ALOX15: variants seen among roughly 807,000 people sequenced by gnomAD.
ALOX15 encodes the protein arachidonate 15-lipoxygenase.
Under a neutral mutation model 71.7 loss-of-function variants are expected in ALOX15, and 68 were observed. That is an observed-to-expected ratio of 0.95 (90% confidence interval 0.78 to 1.16). The LOEUF is 1.16. Among genes scored for constraint, ALOX15 ranks in the 50% most tolerant of loss-of-function variants. ALOX15 has a pLI of 0.00. For missense variants in ALOX15, 798 were observed against 818.8 expected (o/e 0.97, Z 0.31); for synonymous variants, 346 against 333.3 (o/e 1.04, Z -0.42).
intron 7 of ALOX15, 96 bp downstream of exon 7, chr17:4,637,019 C>A (rs1911122009): frequency 6.8e-7 from 1 of 1,466,628 alleles, no homozygotes; most frequent in Admixed American, 2.0e-5. Context: ...GTGCCTTAGC[C>A]CAGTGCCTTT....
Position 4,639,042 on chromosome 17 carries a change from A to G in ALOX15, c.419+9T>C. 1 of 1,614,126 alleles carries G rather than the reference A, an allele frequency of 6.2e-7. No individual in the cohort carries two copies. Among genetic ancestry groups the G allele is most frequent in the Non-Finnish European group, 8.5e-7 (1 of 1,180,016 alleles). ...GCAGCTCACGTGGGGTCAGGGGAGG[A>G]GGGCTCACCGGTACAACTTCCTTCT... On this transcript the variant is annotated intron_variant, in intron 3 of 13. Transcript: ENST00000293761.
chr17:4,640,993 C>T (rs574244548), intron 1 of ALOX15, among the ~76,000 whole-genome samples: 35 of 151,024 alleles, frequency 2.3e-4, no homozygotes, highest in Admixed American at 1.2e-3. Flanking sequence ...TGGGCTTTCG[C>T]GGAAGAAAAA....
chr17:4,639,189 T>C (rs1201299532), intron 2 of ALOX15, 57 bp from the exon 3 acceptor site: 3 of 1,597,372 alleles, frequency 1.9e-6, no homozygotes, highest in South Asian at 1.1e-5. Context: ...TCTTCTTGTC[T>C]CTGCCAGGAG....
intron 5 of ALOX15, 89 bp downstream of exon 5, chr17:4,638,492 C>T (rs1181036693): frequency 9.4e-6 from 13 of 1,384,262 alleles, no homozygotes; most frequent in East Asian, 2.4e-5. Flanking sequence ...CTCTGGTCTC[C>T]CCACCCTGCT....
Position 4,635,789 on chromosome 17 carries a change from C to T in ALOX15, c.1131G>A (p.Arg377=). 2.5e-6 allele frequency: 4 copies of T among 1,614,238 alleles called. No homozygotes were observed. The highest frequency in any genetic ancestry group is 2.2e-5 in the South Asian group (2 of 91,080). The change falls in exon 8 of 14, where the codon AGG becomes AGA. Residue 377 remains arginine (R), a synonymous_variant. Transcript: ENST00000293761. ...AGATAGGATGTATCGACGGCAGGCA[C>T]CTCATGGTGGCCACAACAATGACCT... ...MAEVIVVATM[R]CLPSIHPIFK... is the part of the protein sequence containing the mutation.
In ALOX15 at chr17:4,631,611, C is replaced by G; in HGVS notation, c.1978G>C (p.Val660Leu). The G allele has an allele frequency of 1.2e-6, 2 of 1,613,182 alleles. No individual in the cohort carries two copies. The highest frequency in any genetic ancestry group is 1.7e-6 in the Non-Finnish European group (2 of 1,179,982). ...AAGGGTGGCGACGCTTAGATGGCCA[C>G]ACTGTTTTCCACCACGCTGGGCCGC... ...YLRPSVVENSVAI is the reference protein window; with the variant it reads ...YLRPSVVENSLAI Residue 660 changes from valine (V) to leucine (L), a missense_variant, in exon 14 of 14, where the codon GTG becomes CTG. Val to Leu is a conservative substitution (Grantham distance 32). Around this residue, in one of 3 missense-constraint regions of ALOX15, gnomAD observed 490 missense variants for 509.4 expected, o/e 0.96. Transcript: ENST00000293761.
rs1249089898 is a variant in ALOX15 at position 4,633,263 on chromosome 17, G to C, written c.1301C>G (p.Ala434Gly). The C allele has an allele frequency of 1.9e-6, 3 of 1,614,030 alleles. No homozygotes were observed. Among genetic ancestry groups the C allele is most frequent in the East Asian group, 2.2e-5 (1 of 44,892 alleles). ...ACAGAAGGAGCTGTAGGTTAGGAAG[G>C]CTCCAGCTTGCTTGAGCAGCTGCAC... is the stretch of plus-strand genomic sequence containing the variant. ...GHVQLLKQAG[A>G]FLTYSSFCPP... Residue 434 changes from alanine to glycine, a missense_variant, in exon 10 of 14, where the codon GCC becomes GGC. This residue lies in a region of ALOX15 where 490 missense variants were observed against 509.4 expected (regional missense o/e 0.96). Transcript: ENST00000293761.
chr17:4,635,669 G>T, intron 8 of ALOX15, 90 bp downstream of exon 8: 1 of 1,250,536 alleles, frequency 8.0e-7, no homozygotes, highest in Non-Finnish European at 1.2e-6. Flanking sequence ...TCTGTACCCC[G>T]AGACCCCACA....
At position 4,635,874 on chromosome 17, in the gene ALOX15, C is replaced by G. The variant is rs1284125059; in HGVS notation, c.1046G>C (p.Ser349Thr). 6.2e-7 allele frequency: 1 copy of G among 1,614,272 alleles called. No homozygotes were observed. Among genetic ancestry groups the G allele is most frequent in the Admixed American group, 1.7e-5 (1 of 60,034 alleles). ...AWLLAKCWVR[S>T]SDFQLHELQS... ...CAGCTCATGGAGCTGGAAGTCAGAG[C>G]TGCGCACCCAGCATTTGGCCAGAAG... Residue 349 changes from serine to threonine, a missense_variant, in exon 8 of 14, where the codon AGC becomes ACC. Physicochemically the swap from Ser to Thr is moderately conservative, Grantham distance 58 (BLOSUM62 1). Coordinates refer to ENST00000293761, the MANE Select transcript of ALOX15 (RefSeq NM_001140.5).
chr17:4,633,612 G>A (rs1036209181), intron 8 of ALOX15, 112 bp from the exon 9 acceptor site: 27 of 832,850 alleles, frequency 3.2e-5, no homozygotes, highest in South Asian at 2.4e-4. Context: ...AAGCACAGAC[G>A]TAAAGTTCAG....
Position 4,633,142 on chromosome 17 carries a change from T to C in ALOX15, c.1418+4A>G. On this transcript the variant is annotated splice_donor_region_variant and intron_variant, in intron 10 of 13. Coordinates refer to ENST00000293761, the MANE Select transcript of ALOX15 (RefSeq NM_001140.5). ...ACCCCCACTGGCCTTCCCGCTTGCC[T>C]CACCGATAGATGATTTCCCAGAGCC... 1 of 1,613,378 alleles carries C rather than the reference T, an allele frequency of 6.2e-7. No homozygotes were observed. Among genetic ancestry groups the C allele is most frequent in the Non-Finnish European group, 8.5e-7 (1 of 1,179,500 alleles).
Position 4,631,199 on chromosome 17 carries a change from T to G in ALOX15, c.*401A>C, listed in dbSNP as rs759165158. The G allele has an allele frequency of 5.9e-6, 1 of 170,686 alleles. No homozygotes were observed. Among genetic ancestry groups the G allele is most frequent in the Non-Finnish European group, 1.3e-5 (1 of 78,844 alleles). The allele number at this position is 170,686 out of a possible 1,614,324, so 10.6% of individuals were successfully genotyped here. Reference sequence around the variant, plus strand: ...AGCCGTGGTGATGGCACCACTGCACTCCAGCCTGGGTGTCAAAGTGAGACT... The same window carrying G: ...AGCCGTGGTGATGGCACCACTGCACGCCAGCCTGGGTGTCAAAGTGAGACT... On this transcript the variant is annotated 3_prime_UTR_variant, in exon 14 of 14. Transcript: ENST00000293761.
In ALOX15 at chr17:4,636,135, G is replaced by A. The variant is rs575882174; in HGVS notation, c.952-167C>T. On this transcript the variant is annotated intron_variant, in intron 7 of 13. Transcript: ENST00000293761. The stretch of plus-strand genomic sequence containing the variant: ...TCCCGTTTCCTCCCCTCCCCTTCCT[G>A]CCCGCTCAGTGCATTAGCACCCTGC... Among the ~76,000 whole-genome samples, 231 of 151,872 alleles carry A rather than the reference G, an allele frequency of 1.5e-3. 3 individuals are homozygous for A. Among genetic ancestry groups the A allele is most frequent in the African/African-American group, 5.3e-3 (219 of 41,384 alleles).
intron 8 of ALOX15, among the ~76,000 whole-genome samples, chr17:4,634,041 G>C (rs1259332306): frequency 1.3e-5 from 2 of 152,186 alleles, no homozygotes; most frequent in African/African-American, 4.8e-5. Flanking sequence ...TGGACAGAGG[G>C]TGGAAGGAGT....
At position 4,632,864 on chromosome 17, in the gene ALOX15, G is replaced by A. The variant is rs146693201; in HGVS notation, c.1537C>T (p.Arg513Ter). ...TCAGGGCAGGGGCTCCTCTTACCTC[G>A]GTCCTGGGCCCCTTGCAGCCCGATT... ...TEIGLQGAQD[R>*]GFPVSLQARD... The change falls in exon 11 of 14, where the codon CGA becomes TGA. Residue 513 changes from arginine to a stop codon, truncating the protein, a stop_gained. Transcript: ENST00000293761. LOFTEE classifies it high-confidence loss of function. 31 of 1,614,028 alleles carry A rather than the reference G, an allele frequency of 1.9e-5. No individual in the cohort carries two copies. Among genetic ancestry groups the A allele is most frequent in the African/African-American group, 5.3e-5 (4 of 74,984 alleles).
intron 2 of ALOX15, 81 bp from the exon 3 acceptor site, chr17:4,639,213 C>G (rs573625820): frequency 5.4e-5 from 84 of 1,554,204 alleles, no homozygotes; most frequent in Non-Finnish European, 7.2e-5. Context: ...CTCAGCACCC[C>G]GTCCTTCTGT....
Position 4,631,790 on chromosome 17 carries a change from G to A in ALOX15, c.1810-11C>T, listed in dbSNP as rs778097939. The A allele has an allele frequency of 6.2e-7, 1 of 1,613,746 alleles. No homozygotes were observed. Among genetic ancestry groups the A allele is most frequent in the South Asian group, 1.1e-5 (1 of 91,076 alleles). The stretch of plus-strand genomic sequence containing the variant: ...CTGGCCCACAGCCACCTGGGAGGGA[G>A]AGGAAAAGGTGGCTGAGAGCCTTAT... On this transcript the variant is annotated splice_polypyrimidine_tract_variant and intron_variant, in intron 13 of 13. Transcript: ENST00000293761.
chr17:4,632,076 C>T lies in ALOX15; in HGVS notation c.1642-20G>A. On this transcript the variant is annotated intron_variant, in intron 12 of 13. Coordinates refer to ENST00000293761, the MANE Select transcript of ALOX15 (RefSeq NM_001140.5). ...GTCCAGCTAAGGAAGGGCAGGGATC[C>T]AGAGTCAGTGCCTACCAAGCACGCG... 2.1e-5 allele frequency: 34 copies of T among 1,609,678 alleles called. No individual in the cohort carries two copies. The highest frequency in any genetic ancestry group is 2.8e-5 in the Non-Finnish European group (33 of 1,177,146).
Position 4,631,610 on chromosome 17 carries a change from A to ACACTGTTTTCCACCACGCTG in ALOX15, c.1959_1978dup (p.Val660AlafsTer28), listed in dbSNP as rs1910898482. On this transcript the variant is annotated frameshift_variant, in exon 14 of 14. Coordinates refer to ENST00000293761, the MANE Select transcript of ALOX15 (RefSeq NM_001140.5). LOFTEE classifies it high-confidence loss of function. The stretch of plus-strand genomic sequence containing the variant: ...AAAGGGTGGCGACGCTTAGATGGCC[A>ACACTGTTTTCCACCACGCTG]CACTGTTTTCCACCACGCTGGGCCG... The ACACTGTTTTCCACCACGCTG allele has an allele frequency of 3.1e-6, 5 of 1,612,946 alleles. No homozygotes were observed. Among genetic ancestry groups the ACACTGTTTTCCACCACGCTG allele is most frequent in the African/African-American group, 1.3e-5 (1 of 74,858 alleles).
Sources: allele counts gnomAD v4.1 joint callset (sites outside exome capture counted in the v4.1 genomes callset), GRCh38; gene constraint gnomAD v4.1.1; regional missense constraint gnomAD v4.1.1; transcripts MANE v1.5; gene names NCBI Gene and HGNC (gene_info 2026-07-23, HGNC 2026-07-21).